The following DDX52 variants were observed in gnomAD, a reference collection of about 807,000 sequenced individuals.
The protein encoded by DDX52 is probable ATP-dependent RNA helicase DDX52.
Under a neutral mutation model 76.1 loss-of-function variants are expected in DDX52, and 59 were observed. The observed-to-expected ratio is 0.78, with a 90% CI of 0.63 to 0.96. DDX52 has a LOEUF of 0.96. DDX52 is among the 40% of genes least tolerant of loss of function. DDX52 has a pLI of 0.00. For missense variants in DDX52, 707 were observed against 703.9 expected (o/e 1.00, Z -0.05); for synonymous variants, 231 against 244.1 (o/e 0.95, Z 0.50).
intron 2 of DDX52, among the ~76,000 whole-genome samples, chr17:37,638,222 A>C (rs1415032875): frequency 7.2e-5 from 11 of 152,340 alleles, no homozygotes; most frequent in Non-Finnish European, 1.5e-4. Context: ...AAGGCCAAAG[A>C]GTAGTATCTG....
In DDX52 at chr17:37,628,672, T is replaced by C; in HGVS notation, c.748A>G (p.Ile250Val). 1 of 1,575,998 alleles carries C rather than the reference T, an allele frequency of 6.3e-7. No individual in the cohort carries two copies. Among genetic ancestry groups the C allele is most frequent in the Non-Finnish European group, 8.6e-7 (1 of 1,163,490 alleles). ...GAAATTTTTATTAACTCTCTGTGAA[T>C]CTAAAAAAAAAAAGATTAAAAACAT... is the stretch of plus-strand genomic sequence containing the variant. ...ISPTRELASQIHRELIKISEG... is the reference protein window; with the variant it reads ...ISPTRELASQVHRELIKISEG... The change falls in exon 6 of 15, where the codon ATT (isoleucine) becomes GTT (valine). Residue 250 changes from isoleucine (I) to valine (V), a missense_variant and splice_region_variant. Ile to Val is a conservative substitution (Grantham distance 29). Coordinates refer to ENST00000617633, the MANE Select transcript of DDX52 (RefSeq NM_007010.5).
At chr17:37,636,699 G>C (rs903388233) in intron 2 of DDX52, among the ~76,000 whole-genome samples, 1 of 152,160 alleles carries the variant, frequency 6.6e-6, no homozygotes, top group South Asian at 2.1e-4. Flanking sequence ...TTTATGAAAA[G>C]TTTATGGGGA....
intron 9 of DDX52, 28 bp from the exon 10 acceptor site, chr17:37,621,548 TAACTC>T: frequency 6.3e-7 from 1 of 1,590,398 alleles, no homozygotes; most frequent in Non-Finnish European, 8.5e-7. Flanking sequence ...TTGGCATACA[TAACTC>T]AATCAAGAAT....
chr17:37,619,964 A>G, intron 12 of DDX52, 125 bp from the exon 13 acceptor site: 2 of 878,242 alleles, frequency 2.3e-6, no homozygotes, highest in Non-Finnish European at 3.5e-6. Flanking sequence ...GTGTTCTGAT[A>G]TATTATCAAT....
In DDX52 at chr17:37,612,413, G is replaced by C. The variant is rs1293934727; in HGVS notation, c.*1883C>G. ...TTTCAATAAATTTAGTATAGGTTAAGTGTGCAGTGTTTATACAAGTCTACA... is the reference window on the plus strand; with the variant it reads ...TTTCAATAAATTTAGTATAGGTTAACTGTGCAGTGTTTATACAAGTCTACA... On this transcript the variant is annotated 3_prime_UTR_variant, in exon 15 of 15. Coordinates refer to ENST00000617633, the MANE Select transcript of DDX52 (RefSeq NM_007010.5). 1.3e-5 allele frequency: 2 copies of C among 152,138 alleles called. No homozygotes were observed. Among genetic ancestry groups the C allele is most frequent in the African/African-American group, 2.4e-5 (1 of 41,408 alleles). 9.4% of individuals were successfully genotyped at this position (152,138 alleles called of 1,614,324 possible). A position where few individuals can be genotyped will look rare whatever the true frequency, so the allele number is the denominator to read the frequency against.
At position 37,614,204 on chromosome 17, in the gene DDX52, G is replaced by T; in HGVS notation, c.*92C>A. 1 of 1,292,066 alleles carries T rather than the reference G, an allele frequency of 7.7e-7. No individual in the cohort carries two copies. Among genetic ancestry groups the T allele is most frequent in the Non-Finnish European group, 1.1e-6 (1 of 922,480 alleles). 80.0% of individuals were successfully genotyped at this position (1,292,066 alleles called of 1,614,324 possible). On this transcript the variant is annotated 3_prime_UTR_variant, in exon 15 of 15. Transcript: ENST00000617633. ...AGTTGATTTCAAATGTTTGGTACAG[G>T]TGACTGTAAGACTTCAAGTATTCCA...
intron 9 of DDX52, among the ~76,000 whole-genome samples, chr17:37,623,438 A>C (rs917479491): frequency 6.6e-6 from 1 of 151,900 alleles, no homozygotes; most frequent in Non-Finnish European, 1.5e-5. Context: ...AACAAAAACA[A>C]AATTATGTAG....
At chr17:37,637,377 C>T (rs1466567044) in intron 2 of DDX52, among the ~76,000 whole-genome samples, 1 of 151,082 alleles carries the variant, frequency 6.6e-6, no homozygotes, top group African/African-American at 2.4e-5. Context: ...GTGATCCACC[C>T]ACCTCAGCCT....
At chr17:37,627,354 C>A (rs533375101) in intron 6 of DDX52, among the ~76,000 whole-genome samples, 14 of 152,268 alleles carry the variant, frequency 9.2e-5, no homozygotes, top group African/African-American at 3.1e-4. Context: ...GGACTACAGG[C>A]GCCCGCCACC....
intron 14 of DDX52, 142 bp from the exon 15 acceptor site, chr17:37,614,495 A>G: frequency 1.3e-6 from 1 of 757,198 alleles, no homozygotes; most frequent in South Asian, 1.9e-5. Context: ...AAGATGCATT[A>G]GACATGGTCT....
intron 2 of DDX52, among the ~76,000 whole-genome samples, chr17:37,634,455 A>G (rs2030835948): frequency 6.6e-6 from 1 of 151,516 alleles, no homozygotes; most frequent in Admixed American, 6.6e-5. Context: ...AACATGATGA[A>G]ACCCTGTCCC....
chr17:37,624,857 G>C (rs888034771), intron 8 of DDX52, among the ~76,000 whole-genome samples: 30 of 151,948 alleles, frequency 2.0e-4, no homozygotes, highest in African/African-American at 7.0e-4. Flanking sequence ...TTAATACTCT[G>C]TAAGATGTTA....
At position 37,618,395 on chromosome 17, in the gene DDX52, C is replaced by CA; in HGVS notation, c.1650-12dup. 3.2e-6 allele frequency: 5 copies of CA among 1,567,526 alleles called. No homozygotes were observed. The South Asian group carries it at 6.0e-5, about 19-fold the overall frequency. On this transcript the variant is annotated splice_polypyrimidine_tract_variant and intron_variant, in intron 13 of 14. Transcript: ENST00000617633. ...TTTTTCTTTTGTTTGCTGAAAGTTA[C>CA]AAAGTAAAAAAGGAAAAGAATTAAG...
intron 2 of DDX52, among the ~76,000 whole-genome samples, chr17:37,633,700 G>T (rs559248977): frequency 6.6e-6 from 1 of 151,060 alleles, no homozygotes; most frequent in South Asian, 2.1e-4. Context: ...GGATGTATGT[G>T]TAGCAAGAAA....
chr17:37,642,296 T>C lies in DDX52; in HGVS notation c.100A>G (p.Lys34Glu). 6.2e-7 allele frequency: 1 copy of C among 1,612,892 alleles called. No homozygotes were observed. The highest frequency in any genetic ancestry group is 8.5e-7 in the Non-Finnish European group (1 of 1,179,626). ...ACCTCCGAAGAATCAAAGTCATATT[T>C]CCTTTTTCCTATCTAAAACCCAAAA... ...DAARFQIGKR[K>E]YDFDSSEVLQ... Residue 34 changes from lysine (K) to glutamate (E), a missense_variant, in exon 2 of 15, where the codon AAA (lysine) becomes GAA (glutamate). Physicochemically the swap from Lys to Glu is moderately conservative, Grantham distance 56. Coordinates refer to ENST00000617633, the MANE Select transcript of DDX52 (RefSeq NM_007010.5).
In DDX52 at chr17:37,614,005, G is replaced by A; in HGVS notation, c.*291C>T. 2 of 313,068 alleles carry A rather than the reference G, an allele frequency of 6.4e-6. No individual in the cohort carries two copies. Among genetic ancestry groups the A allele is most frequent in the South Asian group, 9.1e-5 (1 of 10,984 alleles). 19.4% of individuals were successfully genotyped at this position (313,068 alleles called of 1,614,324 possible). On this transcript the variant is annotated 3_prime_UTR_variant, in exon 15 of 15. Transcript: ENST00000617633. Reference sequence around the variant, plus strand: ...GAGCTGGGTGCAGCAGCTTGTGCCTGTAATCTCAGTTACTCAGGAGGCTAA... The same window carrying A: ...GAGCTGGGTGCAGCAGCTTGTGCCTATAATCTCAGTTACTCAGGAGGCTAA...
chr17:37,624,365 G>A lies in DDX52; in HGVS notation c.1206C>T (p.Ala402=), dbSNP rs1017737884. Residue 402 remains alanine (A), a synonymous_variant, in exon 9 of 15, where the codon GCC becomes GCT. Transcript: ENST00000617633. ...FVGSETGKLL[A]VRELVKKGFN... is the part of the protein sequence containing the mutation. ...ATACCTTTTTAACAAGTTCTCTCAC[G>A]GCCAGAAGTTTTCCGGTCTCAGATC... is the stretch of plus-strand genomic sequence containing the variant. 16 of 1,607,548 alleles carry A rather than the reference G, an allele frequency of 1.0e-5. No homozygotes were observed. Among genetic ancestry groups the A allele is most frequent in the African/African-American group, 2.7e-5 (2 of 74,748 alleles).
In DDX52 at chr17:37,621,219, G is replaced by T; in HGVS notation, c.1409C>A (p.Ala470Asp). ...AGKIWVLICTALLARGIDFKG... is the reference protein window; with the variant it reads ...AGKIWVLICTDLLARGIDFKG... ...AAAATCAATCCCTCTTGCTAGCAAG[G>T]CTGTACAAATCAGAACCCAGATTTT... The change falls in exon 11 of 15, where the codon GCC becomes GAC. Residue 470 changes from alanine to aspartate, a missense_variant. Ala to Asp is a moderately radical substitution (Grantham distance 126, BLOSUM62 -2). Coordinates refer to ENST00000617633, the MANE Select transcript of DDX52 (RefSeq NM_007010.5). The T allele has an allele frequency of 1.2e-6, 2 of 1,613,964 alleles. No individual in the cohort carries two copies.
intron 6 of DDX52, among the ~76,000 whole-genome samples, chr17:37,627,521 C>T (rs1251223305): frequency 6.6e-6 from 1 of 151,966 alleles, no homozygotes; most frequent in Non-Finnish European, 1.5e-5. Context: ...TGCCGGATTA[C>T]AGGCATGAGC....
Sources: allele counts gnomAD v4.1 joint callset (sites outside exome capture counted in the v4.1 genomes callset), GRCh38; gene constraint gnomAD v4.1.1; transcripts MANE v1.5; gene names NCBI Gene and HGNC (gene_info 2026-07-23, HGNC 2026-07-21).